Variants in RIMS1 observed in about 807,000 individuals in gnomAD.
RIMS1 encodes regulating synaptic membrane exocytosis protein 1.
RIMS1 carries 83 observed loss-of-function variants against 214.1 expected under a neutral mutation model. The ratio of observed to expected loss-of-function variants is 0.39; its 90% CI spans 0.32 to 0.47. The LOEUF (loss-of-function observed/expected upper bound fraction) is 0.47, where lower values mean the gene tolerates loss of function less well. Ranked by LOEUF, RIMS1 falls within the 20% of genes least tolerant of loss-of-function variation. The probability of loss-of-function intolerance (pLI) is 0.99; values close to 1 mark genes in which losing one functional copy is unlikely to be tolerated. For synonymous variants in RIMS1, 793 were observed against 786.8 expected, an observed-to-expected ratio of 1.01 and a Z score of -0.13; for missense variants, 2,050 against 2,161.8, an observed-to-expected ratio of 0.95 and a Z score of 1.03.
rs188044522 is a variant in RIMS1 at position 72,222,756 on chromosome 6, A to G, written c.1679-11017A>G. On this transcript the variant is annotated intron_variant, in intron 6 of 33. Transcript: ENST00000521978. ...ATTAGGAGGGCTATAAAGGGATTTC[A>G]TCCTTGTTTTTATAAAAATTTACAT... is the stretch of plus-strand genomic sequence containing the variant. 1.6e-3 allele frequency among the ~76,000 whole-genome samples: 239 copies of G among 152,278 alleles called. 1 individual carries two copies. Among genetic ancestry groups the G allele is most frequent in the Non-Finnish European group, 1.2e-3 (83 of 67,974 alleles).
intron 1 of RIMS1, among the ~76,000 whole-genome samples, chr6:71,907,660 ATCC>A (rs1775651682): frequency 6.6e-6 from 1 of 152,164 alleles, no homozygotes; most frequent in African/African-American, 2.4e-5. Flanking sequence ...TCAAAAAATA[ATCC>A]AATGTGTAAT....
chr6:72,311,578 A>G (rs1343556992), intron 27 of RIMS1, among the ~76,000 whole-genome samples: 1 of 152,218 alleles, frequency 6.6e-6, no homozygotes, highest in Non-Finnish European at 1.5e-5. Flanking sequence ...TTGGCATATG[A>G]CTTTGAGAGA....
chr6:72,189,469 C>G (rs1344377792), intron 6 of RIMS1, among the ~76,000 whole-genome samples: 1 of 152,186 alleles, frequency 6.6e-6, no homozygotes, highest in Non-Finnish European at 1.5e-5. Flanking sequence ...GGATGGTAGT[C>G]TTGGCAGCAG....
At chr6:72,193,318 G>A (rs1480988761) in intron 6 of RIMS1, among the ~76,000 whole-genome samples, 2 of 152,112 alleles carry the variant, frequency 1.3e-5, no homozygotes, top group Admixed American at 1.3e-4. Flanking sequence ...GGGAACACAA[G>A]GATACCAGAC....
chr6:72,399,086 G>A lies in RIMS1; in HGVS notation c.4852G>A (p.Val1618Ile), dbSNP rs747344958. Reference sequence around the variant, plus strand: ...TTTTGATGAAAGTCCACAGGGTAAAGTTCTTCAGGTCAGTAATAGTTTGTT... The same window carrying A: ...TTTTGATGAAAGTCCACAGGGTAAAATTCTTCAGGTCAGTAATAGTTTGTT... ...LVFDESPQGKVLQVIVWGDYG... is the reference protein window; with the variant it reads ...LVFDESPQGKILQVIVWGDYG... The change falls in exon 33 of 34, where the codon GTT becomes ATT. Residue 1618 changes from valine (V) to isoleucine (I), a missense_variant. Val to Ile is a conservative substitution (Grantham distance 29, BLOSUM62 3). Coordinates refer to ENST00000521978, the MANE Select transcript of RIMS1 (RefSeq NM_014989.7). 6.2e-7 allele frequency: 1 copy of A among 1,601,596 alleles called. No individual in the cohort carries two copies. Among genetic ancestry groups the A allele is most frequent in the South Asian group, 1.1e-5 (1 of 87,798 alleles).
At chr6:72,313,311 A>G (rs1353147951) in intron 27 of RIMS1, among the ~76,000 whole-genome samples, 195 bp from the exon 28 acceptor site, 2 of 152,194 alleles carry the variant, frequency 1.3e-5, no homozygotes, top group Non-Finnish European at 2.9e-5. Context: ...TTCATAAGCC[A>G]TCTCTTACCA....
chr6:72,280,904 A>G (rs1022483064), intron 23 of RIMS1, among the ~76,000 whole-genome samples: 1 of 152,168 alleles, frequency 6.6e-6, no homozygotes, highest in Middle Eastern at 3.2e-3. Flanking sequence ...AATACTACAA[A>G]TACTACAATA....
chr6:72,049,969 A>G (rs1824170428), intron 2 of RIMS1, among the ~76,000 whole-genome samples: 2 of 152,178 alleles, frequency 1.3e-5, no homozygotes, highest in African/African-American at 2.4e-5. Context: ...CAGAAAAATT[A>G]AAGAGAATAG....
intron 26 of RIMS1, among the ~76,000 whole-genome samples, chr6:72,302,396 G>T (rs565441247): frequency 2.0e-5 from 3 of 151,588 alleles, no homozygotes; most frequent in Admixed American, 1.3e-4. Flanking sequence ...AAATATTTCT[G>T]ATATTTAATG....
chr6:72,392,101 A>G (rs1003793935), intron 30 of RIMS1, among the ~76,000 whole-genome samples: 18 of 152,248 alleles, frequency 1.2e-4, no homozygotes, highest in African/African-American at 4.1e-4. Flanking sequence ...TGATAACTAC[A>G]TCAGTCAACA....
At chr6:72,248,598 A>G (rs1022956308) in intron 12 of RIMS1, among the ~76,000 whole-genome samples, 7 of 152,130 alleles carry the variant, frequency 4.6e-5, no homozygotes, top group African/African-American at 1.7e-4. Flanking sequence ...TTTTCTCACT[A>G]TTGCCTTATT....
chr6:72,326,041 C>T (rs969276985), intron 28 of RIMS1, among the ~76,000 whole-genome samples: 4 of 151,672 alleles, frequency 2.6e-5, no homozygotes, highest in African/African-American at 7.3e-5. Flanking sequence ...GTGTAGGGCT[C>T]ATATAATTTT....
At position 72,349,371 on chromosome 6, in the gene RIMS1, C is replaced by T. The variant is rs72935543; in HGVS notation, c.4366+15536C>T. ...AGTAATCAAATAGTAAATAATTATA[C>T]TACATTTAGGAAAGTTTCAACTGAA... On this transcript the variant is annotated intron_variant, in intron 29 of 33. Transcript: ENST00000521978. 3.7e-3 allele frequency among the ~76,000 whole-genome samples: 569 copies of T among 151,968 alleles called. 1 individual carries two copies. The highest frequency in any genetic ancestry group is 6.7e-3 in the Non-Finnish European group (455 of 67,894).
intron 6 of RIMS1, among the ~76,000 whole-genome samples, chr6:72,220,566 T>G (rs1589439078): frequency 1.3e-5 from 2 of 152,072 alleles, no homozygotes; most frequent in African/African-American, 2.4e-5. Flanking sequence ...CAAGACCAGC[T>G]TCAAATTGCT....
chr6:72,237,266 A>G (rs2064581058), intron 8 of RIMS1, among the ~76,000 whole-genome samples: 2 of 151,436 alleles, frequency 1.3e-5, no homozygotes, highest in South Asian at 4.2e-4. Flanking sequence ...GGGAGGGAGG[A>G]AGGGAAAGAA....
At chr6:72,023,593 T>A (rs571224928) in intron 2 of RIMS1, among the ~76,000 whole-genome samples, 2 of 152,224 alleles carry the variant, frequency 1.3e-5, no homozygotes, top group Non-Finnish European at 1.5e-5. Flanking sequence ...TTATTTGAGA[T>A]ATGGGAGACA....
Position 72,182,896 on chromosome 6 carries a change from C to T in RIMS1, c.1425C>T (p.Arg475=). The part of the protein sequence containing the change: ...KAQEPLRKQS[R]LDPSSAVLMR... ...AGGAGCCCCTCAGGAAGCAGAGCCG[C>T]CTGGACCCCAGCTCGGCGGTCCTCA... Residue 475 remains arginine (R), a synonymous_variant, in exon 6 of 34, where the codon CGC becomes CGT. Coordinates refer to ENST00000521978, the MANE Select transcript of RIMS1 (RefSeq NM_014989.7). The T allele has an allele frequency of 4.4e-6, 7 of 1,573,054 alleles. No homozygotes were observed. The highest frequency in any genetic ancestry group is 6.0e-6 in the Non-Finnish European group (7 of 1,160,854).
At chr6:72,156,034 C>T (rs2044398511) in intron 4 of RIMS1, 2 of 339,188 alleles carry the variant, frequency 5.9e-6, no homozygotes, top group Admixed American at 3.5e-5. Context: ...TGTAAATTGA[C>T]ATAGCCACTA....
At chr6:72,390,571 A>C (rs765735679) in intron 29 of RIMS1, 27 bp from the exon 30 acceptor site, 4 of 1,592,472 alleles carry the variant, frequency 2.5e-6, no homozygotes, top group Non-Finnish European at 3.4e-6. Context: ...AATAAAACTT[A>C]GAGTTTCTTT....
Sources: gnomAD v4.1 joint callset for allele counts (sites outside exome capture counted in the v4.1 genomes callset) on GRCh38, gnomAD v4.1.1 for gene constraint, MANE v1.5 for transcripts, NCBI Gene and HGNC (gene_info 2026-07-23, HGNC 2026-07-21) for gene names.